The following ABCA1 variants were observed in gnomAD, a reference collection of about 807,000 sequenced individuals.
ABCA1 encodes the protein phospholipid-transporting ATPase ABCA1.
Under a neutral mutation model 262.5 loss-of-function variants are expected in ABCA1, and 133 were observed. The ratio of observed to expected loss-of-function variants is 0.51; its 90% CI spans 0.44 to 0.59. ABCA1 has a LOEUF of 0.59. Among genes scored for constraint, ABCA1 ranks in the 20% least tolerant of loss-of-function variants. The pLI, the probability that ABCA1 is intolerant of heterozygous loss-of-function variation, is 0.00. For synonymous variants in ABCA1, 1,022 were observed against 1,043.5 expected, an observed-to-expected ratio of 0.98 and a Z score of 0.40; for missense variants, 2,452 against 2,777.5, an observed-to-expected ratio of 0.88 and a Z score of 2.63.
chr9:104,865,586 TG>T (rs1342390832), intron 5 of ABCA1, among the ~76,000 whole-genome samples: 1 of 150,994 alleles, frequency 6.6e-6, no homozygotes, highest in Non-Finnish European at 1.5e-5. Context: ...AACAATGATG[TG>T]GGGGAAACAT....
intron 32 of ABCA1, 112 bp from the exon 33 acceptor site, chr9:104,803,428 C>A: frequency 8.9e-7 from 1 of 1,122,634 alleles, no homozygotes; most frequent in Middle Eastern, 2.0e-4. Flanking sequence ...ACAGAAATAA[C>A]CCTAGAATCA....
chr9:104,873,392 T>C (rs2119144680), intron 5 of ABCA1, among the ~76,000 whole-genome samples: 1 of 152,210 alleles, frequency 6.6e-6, no homozygotes, highest in East Asian at 1.9e-4. Context: ...AGTCACAGGA[T>C]GTTCTTTCTA....
chr9:104,889,421 T>C (rs1839512734), intron 2 of ABCA1: 2 of 952,054 alleles, frequency 2.1e-6, no homozygotes, highest in Non-Finnish European at 2.5e-6. Context: ...AGATGCTTCC[T>C]ATCGTGCTTT....
At chr9:104,801,939 G>A (rs1322173156) in intron 34 of ABCA1, 115 bp downstream of exon 34, 2 of 955,708 alleles carry the variant, frequency 2.1e-6, no homozygotes, top group Non-Finnish European at 3.4e-6. Flanking sequence ...GGCTCTGTAT[G>A]CCAACATATT....
chr9:104,899,709 C>T (rs1325036227), intron 2 of ABCA1, among the ~76,000 whole-genome samples: 1 of 151,868 alleles, frequency 6.6e-6, no homozygotes, highest in Non-Finnish European at 1.5e-5. Context: ...AAAAAAATCA[C>T]AATTAACTAT....
In ABCA1 at chr9:104,812,576, G is replaced by C; in HGVS notation, c.4048C>G (p.Gln1350Glu). The C allele has an allele frequency of 6.2e-7, 1 of 1,614,108 alleles. No homozygotes were observed. The highest frequency in any genetic ancestry group is 8.5e-7 in the Non-Finnish European group (1 of 1,180,016). Residue 1350 changes from glutamine (Q) to glutamate (E), a missense_variant and splice_region_variant, in exon 28 of 50, where the codon CAG becomes GAG. Gln to Glu is a conservative substitution (Grantham distance 29, BLOSUM62 2). Around this residue, in one of 4 missense-constraint regions of ABCA1, gnomAD observed 665 missense variants for 727.3 expected, o/e 0.91. Transcript: ENST00000374736. ...ARRSRKGFFA[Q>E]IVLPAVFVCI... ...CTGGCGAAAACAGCACGTCTCACCT[G>C]AGCAAAAAATCCTTTCCGACTCCGT...
At chr9:104,852,910 G>A (rs1835497984) in intron 7 of ABCA1, among the ~76,000 whole-genome samples, 1 of 152,136 alleles carries the variant, frequency 6.6e-6, no homozygotes, top group Non-Finnish European at 1.5e-5. Context: ...GAAGTATCTA[G>A]CCCTAAAAAG....
chr9:104,785,818 C>T (rs1158715887), intron 48 of ABCA1, among the ~76,000 whole-genome samples, 179 bp from the exon 49 acceptor site: 1 of 152,190 alleles, frequency 6.6e-6, no homozygotes, highest in Admixed American at 6.5e-5. Flanking sequence ...TGTGAAGCAC[C>T]ATGCCATGTG....
intron 1 of ABCA1, among the ~76,000 whole-genome samples, chr9:104,922,863 C>T (rs1274037944): frequency 6.6e-6 from 1 of 152,076 alleles, no homozygotes; most frequent in Non-Finnish European, 1.5e-5. Flanking sequence ...ATTACAAGCA[C>T]CCACCACCAC....
chr9:104,904,373 T>A (rs1278964260), intron 1 of ABCA1, among the ~76,000 whole-genome samples: 2 of 152,010 alleles, frequency 1.3e-5, no homozygotes, highest in East Asian at 3.9e-4. Flanking sequence ...ATCGAGACCA[T>A]CCTAGCCAAT....
chr9:104,840,224 G>A lies in ABCA1; in HGVS notation c.1054+55C>T, dbSNP rs1257347379. On this transcript the variant is annotated intron_variant, in intron 9 of 49. Coordinates refer to ENST00000374736, the MANE Select transcript of ABCA1 (RefSeq NM_005502.4). ...GAGGAGATGACACAGGCCAAGGCCA[G>A]AACTAAGGGAGGGATGGGGTTGGGG... The A allele has an allele frequency of 1.9e-6, 3 of 1,613,058 alleles. No individual in the cohort carries two copies. The East Asian group carries it at 6.7e-5, about 36-fold the overall frequency.
At chr9:104,889,410 A>G in intron 2 of ABCA1, 1 of 981,096 alleles carries the variant, frequency 1.0e-6, no homozygotes, top group African/African-American at 1.7e-5. Flanking sequence ...TAGGTAAGGG[A>G]AGATGCTTCC....
intron 1 of ABCA1, among the ~76,000 whole-genome samples, chr9:104,922,905 CG>C (rs1842222446): frequency 6.6e-6 from 1 of 151,996 alleles, no homozygotes; most frequent in Non-Finnish European, 1.5e-5. Flanking sequence ...TTAGTAGAGA[CG>C]GGGTTTCACC....
intron 5 of ABCA1, among the ~76,000 whole-genome samples, chr9:104,872,339 TG>T (rs781170117): frequency 2.6e-4 from 39 of 152,214 alleles, no homozygotes; most frequent in Non-Finnish European, 4.0e-4. Context: ...TTTAATGAGA[TG>T]TTTTAAAAAT....
intron 40 of ABCA1, among the ~76,000 whole-genome samples, chr9:104,794,112 T>G (rs978215440): frequency 1.1e-4 from 16 of 152,234 alleles, no homozygotes; most frequent in African/African-American, 3.9e-4. Context: ...GACAGTGGCA[T>G]GAGCCAGTGG....
Position 104,922,435 on chromosome 9 carries a change from G to A in ABCA1, c.-93+5500C>T, listed in dbSNP as rs376967764. On this transcript the variant is annotated intron_variant, in intron 1 of 49. Coordinates refer to ENST00000374736, the MANE Select transcript of ABCA1 (RefSeq NM_005502.4). ...TAAACTCACGGAAGCCAAACTGTCT[G>A]GGATGCGACTTCAGCTCCACTACTT... Among the ~76,000 whole-genome samples the A allele has an allele frequency of 1.7e-3, 263 of 152,248 alleles. 3 individuals are homozygous for A. In the Middle Eastern group the frequency reaches 0.02, roughly 12 times the overall value.
At chr9:104,848,213 C>T (rs1835062661) in intron 7 of ABCA1, among the ~76,000 whole-genome samples, 1 of 152,202 alleles carries the variant, frequency 6.6e-6, no homozygotes, top group Non-Finnish European at 1.5e-5. Context: ...CTACCAGCTG[C>T]ACTTGAATAT....
chr9:104,862,667 G>C (rs1213992646), intron 5 of ABCA1, among the ~76,000 whole-genome samples: 80 of 2,092 alleles, frequency 0.038, 6 homozygotes, highest in Non-Finnish European at 0.05. Flanking sequence ...GCCGGGCCGG[G>C]CCGGGCCGGG....
intron 27 of ABCA1, among the ~76,000 whole-genome samples, chr9:104,813,576 G>A (rs895398466): frequency 5.3e-5 from 8 of 152,206 alleles, no homozygotes; most frequent in African/African-American, 1.9e-4. Flanking sequence ...ACCACACTCG[G>A]CTAATTTTTT....
Sources: gnomAD v4.1 joint callset for allele counts (sites outside exome capture counted in the v4.1 genomes callset) on GRCh38, gnomAD v4.1.1 for gene constraint, gnomAD v4.1.1 regional missense constraint, MANE v1.5 for transcripts, NCBI Gene and HGNC (gene_info 2026-07-23, HGNC 2026-07-21) for gene names.